The following AAK1 variants were observed in gnomAD, a reference collection of about 807,000 sequenced individuals.
AAK1 encodes the protein AP2-associated protein kinase 1.
Under a neutral mutation model 116.0 loss-of-function variants are expected in AAK1, and 37 were observed. The observed-to-expected ratio is 0.32, with a 90% confidence interval of 0.25 to 0.42. The LOEUF (loss-of-function observed/expected upper bound fraction) is 0.42. Among genes scored for constraint, AAK1 ranks in the 10% least tolerant of loss-of-function variants. The pLI, the probability that AAK1 is intolerant of heterozygous loss-of-function variation, is 1.00. For synonymous variants in AAK1, 458 were observed against 439.9 expected (o/e 1.04, Z -0.51); for missense variants, 919 against 1,170.6 (o/e 0.79, Z 3.14).
chr2:69,532,463 T>C (rs1313081993), intron 5 of AAK1, among the ~76,000 whole-genome samples: 7 of 152,206 alleles, frequency 4.6e-5, no homozygotes, highest in African/African-American at 1.7e-4. Context: ...ACCATCCTCA[T>C]ACTTTCAAGC....
At chr2:69,606,968 A>C (rs1243938755) in intron 2 of AAK1, among the ~76,000 whole-genome samples, 1 of 142,044 alleles carries the variant, frequency 7.0e-6, no homozygotes, top group East Asian at 2.2e-4. Context: ...TGGCAGGCTG[A>C]GGTGGGAGGA....
intron 17 of AAK1, among the ~76,000 whole-genome samples, chr2:69,484,829 C>T (rs1675226654): frequency 6.7e-6 from 1 of 149,874 alleles, no homozygotes; most frequent in Non-Finnish European, 1.5e-5. Context: ...GAGCCAAGAT[C>T]ATGCCATTGC....
chr2:69,557,301 C>CTT (rs869066825), intron 2 of AAK1, among the ~76,000 whole-genome samples: 4 of 136,732 alleles, frequency 2.9e-5, no homozygotes, highest in Admixed American at 7.4e-5. Flanking sequence ...ATCCTATGTA[C>CTT]TTTTTTTTTT....
chr2:69,542,671 G>C lies in AAK1; in HGVS notation c.392-6C>G, dbSNP rs765030916. On this transcript the variant is annotated splice_region_variant and splice_polypyrimidine_tract_variant and intron_variant, in intron 4 of 21. Coordinates refer to ENST00000409085, the MANE Select transcript of AAK1 (RefSeq NM_014911.5). ...CAGGTTTACCACCTGGCCACCTGAG[G>C]GGGTACGTACAGGGCAAAGGAGACG... 11 of 1,613,320 alleles carry C rather than the reference G, an allele frequency of 6.8e-6. No individual in the cohort carries two copies. Among genetic ancestry groups the C allele is most frequent in the Admixed American group, 5.0e-5 (3 of 59,990 alleles).
chr2:69,614,519 G>A (rs1347277783), intron 2 of AAK1, among the ~76,000 whole-genome samples: 2 of 152,038 alleles, frequency 1.3e-5, no homozygotes, highest in African/African-American at 4.8e-5. Context: ...CACTCTCCAC[G>A]GCATTTTGCT....
At position 69,643,048 on chromosome 2, in the gene AAK1, A is replaced by T; in HGVS notation, c.-8T>A. On this transcript the variant is annotated 5_prime_UTR_variant, in exon 2 of 22. Transcript: ENST00000409085. ...GTCGAAAAACTTCTTCATCTTGCGA[A>T]TAGGGAGCAGCAAAGCAAAATACCG... 1 of 1,591,552 alleles carries T rather than the reference A, an allele frequency of 6.3e-7. No individual in the cohort carries two copies. Among genetic ancestry groups the T allele is most frequent in the African/African-American group, 1.4e-5 (1 of 73,928 alleles).
chr2:69,497,378 C>T (rs1290248739), intron 16 of AAK1, among the ~76,000 whole-genome samples: 1 of 141,334 alleles, frequency 7.1e-6, no homozygotes, highest in East Asian at 2.2e-4. Context: ...TTTTGGCTCA[C>T]TGCAAGCTCT....
chr2:69,566,422 T>C (rs1671873528), intron 2 of AAK1, among the ~76,000 whole-genome samples: 1 of 152,048 alleles, frequency 6.6e-6, no homozygotes, highest in African/African-American at 2.4e-5. Flanking sequence ...AAAGCAGTCC[T>C]TTCCCCAAGC....
intron 8 of AAK1, among the ~76,000 whole-genome samples, chr2:69,529,589 T>C (rs1380421332): frequency 6.6e-6 from 1 of 152,208 alleles, no homozygotes; most frequent in South Asian, 2.1e-4. Context: ...TCCACGGAGT[T>C]ATATAGTCTT....
At chr2:69,576,374 G>T (rs1672315808) in intron 2 of AAK1, among the ~76,000 whole-genome samples, 1 of 151,726 alleles carries the variant, frequency 6.6e-6, no homozygotes, top group Non-Finnish European at 1.5e-5. Flanking sequence ...GGGTACATGT[G>T]AAGGTTTATT....
intron 2 of AAK1, among the ~76,000 whole-genome samples, chr2:69,604,745 G>A (rs975915344): frequency 8.5e-5 from 13 of 152,068 alleles, no homozygotes; most frequent in South Asian, 2.1e-4. Flanking sequence ...GGTCCAATAC[G>A]TCTCTAGCTC....
At chr2:69,573,347 G>C (rs1234311319) in intron 2 of AAK1, among the ~76,000 whole-genome samples, 3 of 152,226 alleles carry the variant, frequency 2.0e-5, no homozygotes, top group Non-Finnish European at 4.4e-5. Flanking sequence ...ACACGGTTTA[G>C]ACAAGATATA....
chr2:69,542,486 GA>G, intron 5 of AAK1, 36 bp downstream of exon 5: 1 of 1,611,714 alleles, frequency 6.2e-7, no homozygotes, highest in Middle Eastern at 1.7e-4. Flanking sequence ...AGAAAATATT[GA>G]GTAGAATGCC....
Position 69,467,049 on chromosome 2 carries a change from T to C in AAK1, c.*8820A>G, listed in dbSNP as rs1308217026. The stretch of plus-strand genomic sequence containing the variant: ...AAAGAAGCAGAATGTGGCTGCTTGA[T>C]AAATGCAAGTTTACTTGATGACTTA... On this transcript the variant is annotated 3_prime_UTR_variant, in exon 22 of 22. Transcript: ENST00000409085. 1.6e-5 allele frequency: 16 copies of C among 985,326 alleles called. No individual in the cohort carries two copies. Among genetic ancestry groups the C allele is most frequent in the Middle Eastern group, 1.0e-3 (2 of 1,936 alleles). 61.0% of individuals were successfully genotyped at this position (985,326 alleles called of 1,614,324 possible). A position where few individuals can be genotyped will look rare whatever the true frequency, so the allele number is the denominator to read the frequency against.
At chr2:69,508,790 C>T (rs998731121) in intron 14 of AAK1, among the ~76,000 whole-genome samples, 11 of 152,082 alleles carry the variant, frequency 7.2e-5, no homozygotes, top group Non-Finnish European at 1.6e-4. Context: ...ACAAAGGGCT[C>T]GGGAAGGTGA....
At position 69,525,000 on chromosome 2, in the gene AAK1, A is replaced by C. The variant is rs778897726; in HGVS notation, c.1055+33T>G. The C allele has an allele frequency of 5.6e-6, 9 of 1,594,346 alleles. No individual in the cohort carries two copies. The East Asian group carries it at 2.0e-4, about 36-fold the overall frequency. On this transcript the variant is annotated intron_variant, in intron 10 of 21. Transcript: ENST00000409085. ...CATTCCCTGCTGCTGTGGCAATCCA[A>C]GGAGGACATGTGTTCATGAAGGCAT...
At chr2:69,529,884 T>C in intron 8 of AAK1, 124 bp downstream of exon 8, 1 of 902,596 alleles carries the variant, frequency 1.1e-6, no homozygotes, top group Non-Finnish European at 1.6e-6. Context: ...TTCCCAATCA[T>C]TATCAACTAA....
rs1674830493 is a variant in AAK1 at position 69,475,742 on chromosome 2, G to C, written c.*127C>G. On this transcript the variant is annotated 3_prime_UTR_variant, in exon 22 of 22. Coordinates refer to ENST00000409085, the MANE Select transcript of AAK1 (RefSeq NM_014911.5). ...TTCTACAGGAGAAGGCAAGGGGTAG[G>C]AGAAAAGGGCTGGAGGGCCCCTTAT... 1.4e-6 allele frequency: 2 copies of C among 1,449,952 alleles called. No individual in the cohort carries two copies. Among genetic ancestry groups the C allele is most frequent in the Admixed American group, 4.8e-5 (2 of 41,746 alleles). 89.8% of individuals were successfully genotyped at this position (1,449,952 alleles called of 1,614,324 possible).
chr2:69,594,347 G>A (rs1673167816), intron 2 of AAK1, among the ~76,000 whole-genome samples: 1 of 152,196 alleles, frequency 6.6e-6, no homozygotes, highest in Non-Finnish European at 1.5e-5. Context: ...GGTAAGAGCT[G>A]TACCTCCACA....
Sources: gnomAD v4.1 joint callset for allele counts (sites outside exome capture counted in the v4.1 genomes callset) on GRCh38, gnomAD v4.1.1 for gene constraint, MANE v1.5 for transcripts, NCBI Gene and HGNC (gene_info 2026-07-23, HGNC 2026-07-21) for gene names.